Variants in CEP162 observed in about 807,000 individuals in gnomAD.
CEP162 encodes centrosomal protein of 162 kDa.
In CEP162, 141 loss-of-function variants were observed where a neutral mutation model predicts 169.2. The ratio of observed to expected loss-of-function variants is 0.83; its 90% CI spans 0.73 to 0.96. CEP162 has a LOEUF of 0.96. Ranked by LOEUF, CEP162 falls within the 40% of genes least tolerant of loss-of-function variation. CEP162 has a pLI of 0.00. For missense variants in CEP162, 1,600 were observed against 1,587.2 expected, an observed-to-expected ratio of 1.01 and a Z score of -0.14; for synonymous variants, 540 against 526.4, an observed-to-expected ratio of 1.03 and a Z score of -0.35.
chr6:84,207,530 A>G (rs2099547678), intron 6 of CEP162, among the ~76,000 whole-genome samples: 1 of 134,102 alleles, frequency 7.5e-6, no homozygotes, highest in Non-Finnish European at 1.5e-5. Flanking sequence ...GAACACTTGG[A>G]CACAGGGTGG....
At chr6:84,216,551 A>T (rs930415932) in intron 3 of CEP162, among the ~76,000 whole-genome samples, 1 of 152,212 alleles carries the variant, frequency 6.6e-6, no homozygotes, top group African/African-American at 2.4e-5. Flanking sequence ...AGTCTCTCAC[A>T]GCATTCAGGA....
chr6:84,203,889 G>T (rs973880669), intron 7 of CEP162, 92 bp downstream of exon 7: 19 of 562,442 alleles, frequency 3.4e-5, no homozygotes, highest in Admixed American at 1.4e-4. Context: ...AGATTATGAA[G>T]AACTCCATTT....
chr6:84,146,616 TTATAAA>T, intron 25 of CEP162, 65 bp downstream of exon 25: 2 of 677,600 alleles, frequency 3.0e-6, no homozygotes, highest in South Asian at 4.2e-5. Flanking sequence ...GGTAAAAAAT[TTATAAA>T]TATGAATATG....
intron 25 of CEP162, among the ~76,000 whole-genome samples, chr6:84,130,000 T>G (rs1297613884): frequency 2.0e-5 from 3 of 152,194 alleles, no homozygotes; most frequent in Non-Finnish European, 4.4e-5. Context: ...GGCTGTGGGT[T>G]TGTCATAAAT....
intron 21 of CEP162, among the ~76,000 whole-genome samples, chr6:84,159,798 T>A (rs1452575803): frequency 6.6e-6 from 1 of 151,410 alleles, no homozygotes; most frequent in Non-Finnish European, 1.5e-5. Context: ...GCCACCCTGG[T>A]CTTGAACTCC....
At chr6:84,131,247 C>T (rs1200515043) in intron 25 of CEP162, among the ~76,000 whole-genome samples, 3 of 152,114 alleles carry the variant, frequency 2.0e-5, no homozygotes, top group Non-Finnish European at 4.4e-5. Flanking sequence ...CATTCTTTTG[C>T]ATTTGCTGAG....
chr6:84,218,956 C>A (rs1234382725), intron 3 of CEP162: 6 of 279,756 alleles, frequency 2.1e-5, no homozygotes, highest in Non-Finnish European at 4.2e-5. Context: ...AAACGAAGAT[C>A]CAGTTTAGTT....
chr6:84,204,802 A>G (rs2099546063), intron 6 of CEP162, among the ~76,000 whole-genome samples: 2 of 152,218 alleles, frequency 1.3e-5, no homozygotes, highest in African/African-American at 2.4e-5. Flanking sequence ...TGGTTTTTTG[A>G]AAAGATCAAC....
At chr6:84,197,789 C>G (rs1206456950) in intron 9 of CEP162, among the ~76,000 whole-genome samples, 1 of 149,824 alleles carries the variant, frequency 6.7e-6, no homozygotes, top group Non-Finnish European at 1.5e-5. Context: ...TGCATTCCAG[C>G]CTGGGTGACA....
intron 23 of CEP162, 139 bp from the exon 24 acceptor site, chr6:84,149,842 G>A: frequency 1.7e-6 from 1 of 577,136 alleles, no homozygotes; most frequent in Non-Finnish European, 2.8e-6. Context: ...ACTGTGTTAG[G>A]TGCTTTATAC....
chr6:84,172,943 C>CA (rs2099530775), intron 16 of CEP162, among the ~76,000 whole-genome samples: 1 of 152,200 alleles, frequency 6.6e-6, no homozygotes, highest in Non-Finnish European at 1.5e-5. Flanking sequence ...GGTTGACTGT[C>CA]AGGCTAGCAA....
chr6:84,148,648 C>T (rs1466890058), intron 24 of CEP162, among the ~76,000 whole-genome samples: 1 of 152,046 alleles, frequency 6.6e-6, no homozygotes, highest in African/African-American at 2.4e-5. Context: ...ATTCAAACTT[C>T]CCGAATTGAG....
At chr6:84,149,862 G>C (rs1251268827) in intron 23 of CEP162, among the ~76,000 whole-genome samples, 159 bp from the exon 24 acceptor site, 2 of 152,094 alleles carry the variant, frequency 1.3e-5, no homozygotes, top group Admixed American at 1.3e-4. Flanking sequence ...CATTACTACT[G>C]CCTATGAGTT....
At chr6:84,169,009 T>C (rs1308441334) in intron 18 of CEP162, among the ~76,000 whole-genome samples, 1 of 152,176 alleles carries the variant, frequency 6.6e-6, no homozygotes, top group African/African-American at 2.4e-5. Flanking sequence ...AAATAAGGTA[T>C]ACATGTCCTA....
intron 2 of CEP162, among the ~76,000 whole-genome samples, chr6:84,221,469 G>A (rs1423475619): frequency 6.6e-6 from 1 of 152,130 alleles, no homozygotes; most frequent in East Asian, 1.9e-4. Context: ...GGAGGATACA[G>A]TCCTGTCTTC....
intron 9 of CEP162, among the ~76,000 whole-genome samples, chr6:84,200,283 T>C (rs1327887469): frequency 6.6e-6 from 1 of 152,138 alleles, no homozygotes; most frequent in Admixed American, 6.6e-5. Context: ...AAAATAGATT[T>C]CAACTGAAGA....
intron 3 of CEP162, among the ~76,000 whole-genome samples, chr6:84,218,560 GTTCT>G (rs2099552463): frequency 6.6e-6 from 1 of 152,130 alleles, no homozygotes; most frequent in Middle Eastern, 3.4e-3. Flanking sequence ...ATATTCTTTT[GTTCT>G]TTGTTTTCTT....
intron 2 of CEP162, 87 bp from the exon 3 acceptor site, chr6:84,221,258 C>A: frequency 1.5e-6 from 1 of 678,766 alleles, no homozygotes; most frequent in South Asian, 1.8e-5. Flanking sequence ...TCTATTAGTT[C>A]GCTCACAGTT....
intron 2 of CEP162, among the ~76,000 whole-genome samples, chr6:84,225,959 T>C (rs1352353783): frequency 2.6e-5 from 4 of 151,678 alleles, no homozygotes; most frequent in Non-Finnish European, 5.9e-5. Flanking sequence ...ATAAATAAAG[T>C]GGGTGAAAGA....
Sources: allele counts gnomAD v4.1 joint callset (sites outside exome capture counted in the v4.1 genomes callset), GRCh38; gene constraint gnomAD v4.1.1; transcripts MANE v1.5; gene names NCBI Gene and HGNC (gene_info 2026-07-23, HGNC 2026-07-21).